The following SH3GL3 variants were observed in gnomAD, a reference collection of about 807,000 sequenced individuals.
SH3GL3 encodes the protein endophilin-A3.
In SH3GL3, 33 loss-of-function variants were observed where a neutral mutation model predicts 47.7. The ratio of observed to expected loss-of-function variants is 0.69; its 90% confidence interval spans 0.52 to 0.92. The LOEUF is 0.92. SH3GL3 is among the 40% of genes least tolerant of loss of function. The pLI, the probability that SH3GL3 is intolerant of heterozygous loss-of-function variation, is 0.00. For synonymous variants in SH3GL3, 155 were observed against 148.8 expected (o/e 1.04, Z -0.30); for missense variants, 363 against 417.8 (o/e 0.87, Z 1.14).
chr15:83,447,612 G>T lies in SH3GL3; in HGVS notation c.45+34G>T. 7.0e-7 allele frequency: 1 copy of T among 1,433,240 alleles called. No homozygotes were observed. The highest frequency in any genetic ancestry group is 9.4e-7 in the Non-Finnish European group (1 of 1,069,210). The allele number at this position is 1,433,240 out of a possible 1,614,324, so 88.8% of individuals were successfully genotyped here. A position where few individuals can be genotyped will look rare whatever the true frequency, so the allele number is the denominator to read the frequency against. On this transcript the variant is annotated intron_variant, in intron 1 of 8. Coordinates refer to ENST00000427482, the MANE Select transcript of SH3GL3 (RefSeq NM_003027.5). The surrounding 1 kb of genome is among the most constrained non-coding windows in gnomAD (Gnocchi z 5.1). Reference sequence around the variant, plus strand: ...GCGCAGAGGAGGGAAGGAGGGAGGGGGACGCGGAGGCTGCGGCCCCCCGAG... The same window carrying T: ...GCGCAGAGGAGGGAAGGAGGGAGGGTGACGCGGAGGCTGCGGCCCCCCGAG...
downstream of SH3GL3, among the ~76,000 whole-genome samples, chr15:83,622,607 G>T (rs1003392409): frequency 6.6e-6 from 1 of 152,252 alleles, no homozygotes; most frequent in Non-Finnish European, 1.5e-5. Flanking sequence ...AGGAGGAGAT[G>T]CAAGGATCAT....
rs1283661588 is a variant in SH3GL3, at chr15:83,510,850, T to C, written c.46-48403T>C. Reference sequence around the variant, plus strand: ...GGTTTGCAAAGGACTGCTTAGAGCATATCCACCGCCAAGCAGGGGTATGGC... The same window carrying C: ...GGTTTGCAAAGGACTGCTTAGAGCACATCCACCGCCAAGCAGGGGTATGGC... On this transcript the variant is annotated intron_variant, in intron 1 of 8. Coordinates refer to ENST00000427482, the MANE Select transcript of SH3GL3 (RefSeq NM_003027.5). 7.2e-5 allele frequency among the ~76,000 whole-genome samples: 11 copies of C among 151,900 alleles called. No homozygotes were observed. The East Asian group carries it at 2.2e-3, about 30-fold the overall frequency.
At chr15:83,567,078 ACTCT>A (rs987935887) in intron 3 of SH3GL3, among the ~76,000 whole-genome samples, 1 of 152,074 alleles carries the variant, frequency 6.6e-6, no homozygotes, top group Admixed American at 6.6e-5. Flanking sequence ...TATGTGATTC[ACTCT>A]CTCACCTACA....
intron 8 of SH3GL3, among the ~76,000 whole-genome samples, chr15:83,597,300 T>C (rs1007041408): frequency 2.6e-5 from 4 of 152,132 alleles, no homozygotes; most frequent in African/African-American, 9.7e-5. Flanking sequence ...TTCTCCTGCT[T>C]CCGCCTTATA....
intron 8 of SH3GL3, among the ~76,000 whole-genome samples, chr15:83,595,167 G>A (rs1472498626): frequency 1.3e-5 from 2 of 152,146 alleles, no homozygotes; most frequent in Non-Finnish European, 2.9e-5. Context: ...GACAGTACAC[G>A]GCCATAAAAA....
the SH3GL3 span, among the ~76,000 whole-genome samples, chr15:83,625,246 T>A: frequency 6.6e-6 from 1 of 152,236 alleles, no homozygotes; most frequent in African/African-American, 2.4e-5. Flanking sequence ...TAAGTCAGGT[T>A]GTAATGTTTT....
At chr15:83,617,812 G>A (rs2060866333) in intron 8 of SH3GL3, among the ~76,000 whole-genome samples, 1 of 152,216 alleles carries the variant, frequency 6.6e-6, no homozygotes, top group Non-Finnish European at 1.5e-5. Flanking sequence ...GGAGCTGACT[G>A]GCTGCTTTTG....
At chr15:83,580,303 G>C (rs2059797507) in intron 6 of SH3GL3, among the ~76,000 whole-genome samples, 1 of 152,180 alleles carries the variant, frequency 6.6e-6, no homozygotes. Flanking sequence ...TGTTCTAATC[G>C]CCATGTCAAA....
chr15:83,603,972 TA>T lies in SH3GL3; in HGVS notation c.839-14105del, dbSNP rs566070868. Reference sequence around the variant, plus strand: ...CAACATGGAGAAACCCCATCTCTACTAAAAATACAAAATTAGCTGGGCATGG... The same window carrying T: ...CAACATGGAGAAACCCCATCTCTACTAAAATACAAAATTAGCTGGGCATGG... On this transcript the variant is annotated intron_variant, in intron 8 of 8. Transcript: ENST00000427482. Among the ~76,000 whole-genome samples, 270 of 152,128 alleles carry T rather than the reference TA, an allele frequency of 1.8e-3. 2 individuals are homozygous for T. Among genetic ancestry groups the T allele is most frequent in the Admixed American group, 0.012 (191 of 15,284 alleles).
chr15:83,551,899 T>C (rs1331792576), intron 1 of SH3GL3, among the ~76,000 whole-genome samples: 1 of 152,260 alleles, frequency 6.6e-6, no homozygotes, highest in Non-Finnish European at 1.5e-5. Context: ...CTCTATTTTT[T>C]AATCAGCCAT....
chr15:83,562,991 C>A (rs544209302), intron 2 of SH3GL3, among the ~76,000 whole-genome samples: 83 of 152,264 alleles, frequency 5.5e-4, no homozygotes, highest in African/African-American at 1.8e-3. Flanking sequence ...CCTTTTTTAT[C>A]ATTTCTGTAC....
intron 1 of SH3GL3, among the ~76,000 whole-genome samples, chr15:83,458,882 A>T (rs1372837587): frequency 1.3e-5 from 2 of 152,242 alleles, no homozygotes; most frequent in Non-Finnish European, 2.9e-5. Flanking sequence ...TTAGATGTAT[A>T]TATGAAAGGG....
intron 3 of SH3GL3, among the ~76,000 whole-genome samples, chr15:83,566,483 G>C (rs1393278188): frequency 6.6e-6 from 1 of 151,980 alleles, no homozygotes; most frequent in Non-Finnish European, 1.5e-5. Context: ...AGGTTCAAAA[G>C]TCCGGCACTG....
At chr15:83,624,876 A>G in the SH3GL3 span, among the ~76,000 whole-genome samples, 1 of 152,110 alleles carries the variant, frequency 6.6e-6, no homozygotes, top group Admixed American at 6.5e-5. Flanking sequence ...TTGGACTTGG[A>G]GTGATTCAGG....
At chr15:83,592,455 A>G (rs1269042895) in intron 8 of SH3GL3, among the ~76,000 whole-genome samples, 1 of 152,134 alleles carries the variant, frequency 6.6e-6, no homozygotes, top group Non-Finnish European at 1.5e-5. Context: ...TTCTCCAGTC[A>G]CTTGAATGTG....
chr15:83,460,049 C>T (rs1435925766), intron 1 of SH3GL3, among the ~76,000 whole-genome samples: 1 of 65,474 alleles, frequency 1.5e-5, no homozygotes, highest in Non-Finnish European at 3.0e-5. Flanking sequence ...TCCCTCCCTC[C>T]CTCCCTGCCT....
chr15:83,496,264 T>C (rs1299885038), intron 1 of SH3GL3, among the ~76,000 whole-genome samples: 3 of 146,786 alleles, frequency 2.0e-5, no homozygotes, highest in African/African-American at 7.6e-5. Flanking sequence ...GAGGCTGAGG[T>C]GGGAGAATTG....
chr15:83,605,275 A>G (rs2060486984), intron 8 of SH3GL3, among the ~76,000 whole-genome samples: 1 of 152,046 alleles, frequency 6.6e-6, no homozygotes, highest in Non-Finnish European at 1.5e-5. Context: ...CGTCTCACAC[A>G]CCCAGCATTG....
intron 1 of SH3GL3, among the ~76,000 whole-genome samples, chr15:83,554,245 T>A (rs1017232527): frequency 6.6e-6 from 1 of 152,084 alleles, no homozygotes; most frequent in African/African-American, 2.4e-5. Context: ...TGGAGTGCAA[T>A]GGCGCGATCC....
Sources: allele counts gnomAD v4.1 joint callset (sites outside exome capture counted in the v4.1 genomes callset), GRCh38; gene constraint gnomAD v4.1.1; non-coding constraint Gnocchi (gnomAD v3.1); transcripts MANE v1.5; gene names NCBI Gene and HGNC (gene_info 2026-07-23, HGNC 2026-07-21).